The following ITPR2 variants were observed in gnomAD, a reference collection of about 807,000 sequenced individuals.
The protein encoded by ITPR2 is inositol 1,4,5-trisphosphate-gated calcium channel ITPR2.
In ITPR2, 207 loss-of-function variants were observed where a neutral mutation model predicts 317.1. That is an observed-to-expected ratio of 0.65 (90% confidence interval 0.58 to 0.73). ITPR2 has a LOEUF of 0.73. ITPR2 is among the 30% of genes least tolerant of loss of function. The pLI is 0.00. For missense variants in ITPR2, 2,613 were observed against 3,284.0 expected (o/e 0.80, Z 4.99); for synonymous variants, 1,156 against 1,149.1 (o/e 1.01, Z -0.12).
At chr12:26,368,390 G>A (rs1249901729) in intron 55 of ITPR2, among the ~76,000 whole-genome samples, 1 of 152,200 alleles carries the variant, frequency 6.6e-6, no homozygotes, top group Non-Finnish European at 1.5e-5. Context: ...CATTGAATAT[G>A]TGTAGATTGA....
At chr12:26,450,756 T>C (rs1406708480) in intron 45 of ITPR2, among the ~76,000 whole-genome samples, 2 of 151,882 alleles carry the variant, frequency 1.3e-5, no homozygotes, top group African/African-American at 2.4e-5. Context: ...AGCTAAACAA[T>C]CCAGAAGACA....
At position 26,336,168 on chromosome 12, in the gene ITPR2, A is replaced by C. The variant is rs11833974; in HGVS notation, c.*3229T>G. On this transcript the variant is annotated 3_prime_UTR_variant, in exon 57 of 57. Coordinates refer to ENST00000381340, the MANE Select transcript of ITPR2 (RefSeq NM_002223.4). Reference sequence around the variant, plus strand: ...TACCCCTCCTTTTCTCTAATGATAGAGTACTGGGAAGCAGAAATCCCTATC... The same window carrying C: ...TACCCCTCCTTTTCTCTAATGATAGCGTACTGGGAAGCAGAAATCCCTATC... Among the ~76,000 whole-genome samples, 2,097 of 152,166 alleles carry C rather than the reference A, an allele frequency of 0.014. 58 individuals carry two copies. The highest frequency in any genetic ancestry group is 0.048 in the African/African-American group (2,005 of 41,496).
At chr12:26,349,351 TCTGGATCTCC>T (rs954744855) in intron 55 of ITPR2, among the ~76,000 whole-genome samples, 1 of 152,216 alleles carries the variant, frequency 6.6e-6, no homozygotes, top group Non-Finnish European at 1.5e-5. Flanking sequence ...GTCTATTCTG[TCTGGATCTCC>T]CTGGATCTTC....
chr12:26,357,162 G>T (rs544089145), intron 55 of ITPR2, among the ~76,000 whole-genome samples: 1 of 152,056 alleles, frequency 6.6e-6, no homozygotes, highest in South Asian at 2.1e-4. Flanking sequence ...AGGTTATGGC[G>T]TTGGGGGAAG....
chr12:26,498,189 G>A (rs1942989074), intron 37 of ITPR2, among the ~76,000 whole-genome samples: 1 of 152,188 alleles, frequency 6.6e-6, no homozygotes, highest in Admixed American at 6.5e-5. Context: ...TCATAATGGG[G>A]TGTAGTAAGT....
intron 10 of ITPR2, among the ~76,000 whole-genome samples, chr12:26,693,589 AG>A (rs1948280382): frequency 1.3e-5 from 2 of 152,204 alleles, no homozygotes; most frequent in Non-Finnish European, 2.9e-5. Context: ...ATACAATCTA[AG>A]TGCCAGGTAA....
rs1591911205 is a variant in ITPR2 at position 26,568,017 on chromosome 12, T to TATATATTATATATATTTTATATA, written c.4631-6066_4631-6065insTATATAAAATATATATAATATAT. 3.4e-5 allele frequency among the ~76,000 whole-genome samples: 4 copies of TATATATTATATATATTTTATATA among 119,006 alleles called. No homozygotes were observed. In the South Asian group the frequency reaches 7.5e-4, roughly 22 times the overall value. The allele number at this position is 119,006 out of a possible 152,430, so 78.1% of individuals were successfully genotyped here. On this transcript the variant is annotated intron_variant, in intron 34 of 56. Transcript: ENST00000381340. ...ATATATTATATATATTATATATATA[T>TATATATTATATATATTTTATATA]ATATATATATATATAAAATGTCAAA...
chr12:26,454,298 G>A (rs770989270), intron 45 of ITPR2, among the ~76,000 whole-genome samples: 10 of 152,026 alleles, frequency 6.6e-5, no homozygotes, highest in South Asian at 2.1e-4. Context: ...TCTGCCTCCC[G>A]GGTTCAAGTG....
chr12:26,801,552 C>A (rs946152627), intron 1 of ITPR2, among the ~76,000 whole-genome samples: 1 of 152,152 alleles, frequency 6.6e-6, no homozygotes, highest in Non-Finnish European at 1.5e-5. Context: ...TTGGAGGATG[C>A]CTGTCTCTCT....
intron 52 of ITPR2, among the ~76,000 whole-genome samples, chr12:26,407,541 G>T (rs1343714328): frequency 6.6e-6 from 1 of 152,052 alleles, no homozygotes; most frequent in Non-Finnish European, 1.5e-5. Context: ...ACGTAACAGA[G>T]AATATTTATA....
chr12:26,645,719 T>G (rs1192741802), intron 21 of ITPR2, among the ~76,000 whole-genome samples: 3 of 152,350 alleles, frequency 2.0e-5, no homozygotes, highest in Non-Finnish European at 2.9e-5. Context: ...CTTAGCACTG[T>G]GAACTCTACT....
intron 32 of ITPR2, among the ~76,000 whole-genome samples, chr12:26,587,574 G>C (rs939440061): frequency 1.3e-5 from 2 of 152,128 alleles, no homozygotes; most frequent in Admixed American, 6.5e-5. Flanking sequence ...AGCTAGCTAG[G>C]GGGAGAATAA....
At chr12:26,684,467 AAG>A (rs1412178202) in intron 11 of ITPR2, among the ~76,000 whole-genome samples, 1 of 152,246 alleles carries the variant, frequency 6.6e-6, no homozygotes, top group Non-Finnish European at 1.5e-5. Flanking sequence ...CCTGATCTGT[AAG>A]AGTTACTGCC....
intron 32 of ITPR2, among the ~76,000 whole-genome samples, chr12:26,588,609 C>T (rs1024550388): frequency 6.6e-6 from 1 of 152,060 alleles, no homozygotes; most frequent in East Asian, 1.9e-4. Flanking sequence ...ATCTTTACTC[C>T]AACCTCTTAC....
At chr12:26,430,753 TA>T (rs1246124362) in intron 48 of ITPR2, among the ~76,000 whole-genome samples, 1 of 152,250 alleles carries the variant, frequency 6.6e-6, no homozygotes, top group Admixed American at 6.5e-5. Context: ...TTATCTTTTG[TA>T]AAAGAAAATT....
At chr12:26,471,146 C>T (rs1051477768) in intron 45 of ITPR2, among the ~76,000 whole-genome samples, 10 of 152,156 alleles carry the variant, frequency 6.6e-5, no homozygotes, top group African/African-American at 2.2e-4. Context: ...TAATACTTCT[C>T]CCCAACCTGA....
chr12:26,685,536 G>A (rs1408721479), intron 11 of ITPR2, among the ~76,000 whole-genome samples: 1 of 152,176 alleles, frequency 6.6e-6, no homozygotes, highest in Non-Finnish European at 1.5e-5. Context: ...GGTAGAGGAT[G>A]CAGTGAGCCA....
chr12:26,479,430 T>C (rs1390972195), intron 43 of ITPR2, among the ~76,000 whole-genome samples: 1 of 152,164 alleles, frequency 6.6e-6, no homozygotes, highest in Non-Finnish European at 1.5e-5. Context: ...TCAGTATTTC[T>C]GTCCATTAAG....
chr12:26,538,893 G>A (rs982498151), intron 37 of ITPR2, among the ~76,000 whole-genome samples: 1 of 152,106 alleles, frequency 6.6e-6, no homozygotes, highest in Non-Finnish European at 1.5e-5. Context: ...ATTCTTACCA[G>A]GTCATTTTAC....
Sources: allele counts gnomAD v4.1 joint callset (sites outside exome capture counted in the v4.1 genomes callset), GRCh38; gene constraint gnomAD v4.1.1; transcripts MANE v1.5; gene names NCBI Gene and HGNC (gene_info 2026-07-23, HGNC 2026-07-21).